ZNF705G: variants seen among roughly 807,000 people sequenced by gnomAD.
ZNF705G encodes zinc finger protein 705G.
Under a neutral mutation model 19.6 loss-of-function variants are expected in ZNF705G, and 23 were observed. The ratio of observed to expected loss-of-function variants is 1.17; its 90% CI spans 0.84 to 1.66. The LOEUF is 1.66. Ranked by LOEUF, ZNF705G falls within the 40% of genes most tolerant of loss-of-function variation. ZNF705G has a pLI of 0.00. For missense variants in ZNF705G, 457 were observed against 354.4 expected (o/e 1.29, Z -2.32); for synonymous variants, 146 against 117.7 (o/e 1.24, Z -1.56).
rs534496556 is a variant in ZNF705G at position 7,356,936 on chromosome 8, T to C, written c.*1040A>G. The C allele has an allele frequency of 4.0e-5, 6 of 150,052 alleles. No individual in the cohort carries two copies. In the East Asian group the frequency reaches 1.2e-3, roughly 29 times the overall value. 9.3% of individuals were successfully genotyped at this position (150,052 alleles called of 1,614,324 possible). A position where few individuals can be genotyped will look rare whatever the true frequency, so the allele number is the denominator to read the frequency against. ...ATTATGCATTTACATGCCACATTTT[T>C]ATGAATAGATATTTTCTCAAATTTC... is the stretch of plus-strand genomic sequence containing the variant. On this transcript the variant is annotated 3_prime_UTR_variant, in exon 7 of 7. Coordinates refer to ENST00000400156, the MANE Select transcript of ZNF705G (RefSeq NM_001164457.3).
intron 2 of ZNF705G, among the ~76,000 whole-genome samples, chr8:7,364,092 G>T (rs1182446863): frequency 6.7e-6 from 1 of 149,216 alleles, no homozygotes; most frequent in African/African-American, 2.6e-5. Flanking sequence ...TGCAATCATG[G>T]TTTATATTAG....
At chr8:7,368,496 T>C (rs1189220250) in intron 2 of ZNF705G, among the ~76,000 whole-genome samples, 1 of 149,370 alleles carries the variant, frequency 6.7e-6, no homozygotes, top group Non-Finnish European at 1.5e-5. Context: ...TTCATGATGA[T>C]GTAAAAAAAT....
chr8:7,357,811 A>G lies in ZNF705G; in HGVS notation c.*165T>C. On this transcript the variant is annotated 3_prime_UTR_variant, in exon 7 of 7. Coordinates refer to ENST00000400156, the MANE Select transcript of ZNF705G (RefSeq NM_001164457.3). ...CTCTTCCACATTCCTTACCTTTGTCATTCCTAACACCGTGTCATCTAAAGT... is the reference window on the plus strand; with the variant it reads ...CTCTTCCACATTCCTTACCTTTGTCGTTCCTAACACCGTGTCATCTAAAGT... 4 of 1,098,998 alleles carry G rather than the reference A, an allele frequency of 3.6e-6. No homozygotes were observed. The East Asian group carries it at 7.8e-5, about 21-fold the overall frequency. 68.1% of individuals were successfully genotyped at this position (1,098,998 alleles called of 1,614,324 possible).
At chr8:7,380,697 A>C (rs1807450594) in intron 2 of ZNF705G, among the ~76,000 whole-genome samples, 1 of 146,204 alleles carries the variant, frequency 6.8e-6, no homozygotes, top group Admixed American at 6.6e-5. Flanking sequence ...TCTTGAGGGC[A>C]TGCCTATCTA....
intron 2 of ZNF705G, among the ~76,000 whole-genome samples, chr8:7,371,102 T>C (rs1344486801): frequency 1.4e-5 from 2 of 142,572 alleles, no homozygotes; most frequent in Non-Finnish European, 3.0e-5. Context: ...AAATGGCTAA[T>C]ACATATATGC....
At chr8:7,366,617 A>C (rs1806869141) in intron 2 of ZNF705G, among the ~76,000 whole-genome samples, 1 of 149,760 alleles carries the variant, frequency 6.7e-6, no homozygotes, top group South Asian at 2.1e-4. Flanking sequence ...GTACCAATAC[A>C]ATAAAGCTAA....
Position 7,374,927 on chromosome 8 carries a change from T to C in ZNF705G, c.-72+6525A>G, listed in dbSNP as rs1807199994. ...CACAAGGTTTACAAGAAAGAACAAA[T>C]GAAAACGAAAGATTTTTAAAATCCC... is the stretch of plus-strand genomic sequence containing the variant. On this transcript the variant is annotated intron_variant, in intron 2 of 6. Coordinates refer to ENST00000400156, the MANE Select transcript of ZNF705G (RefSeq NM_001164457.3). Among the ~76,000 whole-genome samples the C allele has an allele frequency of 2.1e-5, 2 of 94,616 alleles. 1 individual carries two copies. Among genetic ancestry groups the C allele is most frequent in the Non-Finnish European group, 4.1e-5 (2 of 48,230 alleles). The allele number at this position is 94,616 out of a possible 152,430, so 62.1% of individuals were successfully genotyped here. A position where few individuals can be genotyped will look rare whatever the true frequency, so the allele number is the denominator to read the frequency against.
chr8:7,363,482 C>A (rs1806699675), intron 2 of ZNF705G, among the ~76,000 whole-genome samples: 1 of 149,276 alleles, frequency 6.7e-6, no homozygotes, highest in Admixed American at 6.6e-5. Context: ...TCACTCAACT[C>A]TGACTTTTGT....
At chr8:7,361,372 G>A (rs557266863) in intron 3 of ZNF705G, 136 bp from the exon 4 acceptor site, 4 of 1,451,164 alleles carry the variant, frequency 2.8e-6, no homozygotes, top group East Asian at 4.6e-5. Context: ...TTCATTCTCA[G>A]TACTAAGCTG....
rs1807499541 is a variant in ZNF705G, at chr8:7,381,599, G to A, written c.-219C>T. ...TGTACATCAATTGAGGAGGACAAGT[G>A]ATCTGGGAATGAGTTTGAATTCAGC... On this transcript the variant is annotated splice_region_variant and 5_prime_UTR_variant, in exon 2 of 7. Coordinates refer to ENST00000400156, the MANE Select transcript of ZNF705G (RefSeq NM_001164457.3). 6.9e-6 allele frequency: 1 copy of A among 143,960 alleles called. No individual in the cohort carries two copies. Among genetic ancestry groups the A allele is most frequent in the African/African-American group, 2.9e-5 (1 of 34,614 alleles). 8.9% of individuals were successfully genotyped at this position (143,960 alleles called of 1,614,324 possible). A position where few individuals can be genotyped will look rare whatever the true frequency, so the allele number is the denominator to read the frequency against.
intron 4 of ZNF705G, among the ~76,000 whole-genome samples, chr8:7,360,705 A>T (rs1353113288): frequency 2.9e-4 from 44 of 149,682 alleles, no homozygotes; most frequent in Non-Finnish European, 4.4e-5. Context: ...TTACAAAAAT[A>T]ATTGGTGTTC....
Position 7,358,502 on chromosome 8 carries a change from G to T in ZNF705G, c.377C>A (p.Thr126Asn). The T allele has an allele frequency of 6.2e-7, 1 of 1,607,616 alleles. No homozygotes were observed. Among genetic ancestry groups the T allele is most frequent in the East Asian group, 2.2e-5 (1 of 44,854 alleles). Residue 126 changes from threonine (T) to asparagine (N), a missense_variant, in exon 7 of 7, where the codon ACT becomes AAT. Thr to Asn is a moderately conservative substitution (Grantham distance 65, BLOSUM62 0). Coordinates refer to ENST00000400156, the MANE Select transcript of ZNF705G (RefSeq NM_001164457.3). The part of the protein sequence containing the change: ...FECNDSGEDC[T>N]RSSTITQCLL... Reference sequence around the variant, plus strand: ...ACACTGAGTTATTGTGGAACTGCGAGTGCAATCTTCTCCCGAATCATTACA... The same window carrying T: ...ACACTGAGTTATTGTGGAACTGCGATTGCAATCTTCTCCCGAATCATTACA...
intron 2 of ZNF705G, among the ~76,000 whole-genome samples, chr8:7,379,003 T>C (rs1326416070): frequency 1.3e-5 from 2 of 150,138 alleles, no homozygotes; most frequent in South Asian, 4.2e-4. Flanking sequence ...TTTCCTCCAT[T>C]TAGACACAAC....
Position 7,362,296 on chromosome 8 carries a change from G to A in ZNF705G, c.12+639C>T, listed in dbSNP as rs747063898. 1.4e-4 allele frequency among the ~76,000 whole-genome samples: 21 copies of A among 149,824 alleles called. 4 individuals are homozygous for A. Among genetic ancestry groups the A allele is most frequent in the African/African-American group, 4.8e-4 (19 of 39,206 alleles). On this transcript the variant is annotated intron_variant, in intron 3 of 6. Transcript: ENST00000400156. ...AAAAGGTTAATTACCAAAAGGTAAA[G>A]TGAATGGGGATAAGAATAATAATGA...
intron 2 of ZNF705G, among the ~76,000 whole-genome samples, chr8:7,365,049 T>A (rs1806794550): frequency 6.7e-6 from 1 of 149,542 alleles, no homozygotes. Context: ...ATTTAACTGG[T>A]CATATACAGA....
At chr8:7,359,915 G>C (rs1418471179) in intron 5 of ZNF705G, among the ~76,000 whole-genome samples, 1 of 149,476 alleles carries the variant, frequency 6.7e-6, no homozygotes, top group Admixed American at 6.6e-5. Context: ...TTAAAATGGA[G>C]ATGAGATATC....
chr8:7,381,923 T>C (rs1470016641), intron 1 of ZNF705G, among the ~76,000 whole-genome samples: 2 of 151,958 alleles, frequency 1.3e-5, no homozygotes, highest in African/African-American at 4.9e-5. Flanking sequence ...ATACATAGAG[T>C]AAATGGATCT....
intron 2 of ZNF705G, among the ~76,000 whole-genome samples, chr8:7,379,812 G>T (rs1354130717): frequency 3.4e-5 from 5 of 147,188 alleles, no homozygotes; most frequent in Admixed American, 3.3e-4. Flanking sequence ...CAGAGAAGGA[G>T]TTGGCACTGG....
rs1340255052 is a variant in ZNF705G, at chr8:7,362,455, A to G, written c.12+480T>C. On this transcript the variant is annotated intron_variant, in intron 3 of 6. Coordinates refer to ENST00000400156, the MANE Select transcript of ZNF705G (RefSeq NM_001164457.3). ...ATTTATTGAACTCAGCTGCTAGAAC[A>G]TCAGACTCATTGTTGGGCTGTGATG... 1.3e-5 allele frequency among the ~76,000 whole-genome samples: 2 copies of G among 149,614 alleles called. 1 individual carries two copies. The highest frequency in any genetic ancestry group is 5.1e-5 in the African/African-American group (2 of 39,010).
Sources: allele counts gnomAD v4.1 joint callset (sites outside exome capture counted in the v4.1 genomes callset), GRCh38; gene constraint gnomAD v4.1.1; transcripts MANE v1.5; gene names NCBI Gene and HGNC (gene_info 2026-07-23, HGNC 2026-07-21).